DNAJC24: variants seen among roughly 807,000 people sequenced by gnomAD.
The protein encoded by DNAJC24 is dnaJ homolog subfamily C member 24.
In DNAJC24, 17 loss-of-function variants were observed where a neutral mutation model predicts 18.0. The ratio of observed to expected loss-of-function variants is 0.94; its 90% CI spans 0.65 to 1.42. DNAJC24 has a LOEUF of 1.42. DNAJC24 is among the 40% of genes most tolerant of loss of function. The probability of loss-of-function intolerance (pLI) is 0.00; values close to 1 mark genes in which losing one functional copy is unlikely to be tolerated. For missense variants in DNAJC24, 158 were observed against 175.6 expected, an observed-to-expected ratio of 0.90 and a Z score of 0.57; for synonymous variants, 55 against 57.7, an observed-to-expected ratio of 0.95 and a Z score of 0.21.
At chr11:31,406,439 A>T (rs1389608862) in intron 2 of DNAJC24, among the ~76,000 whole-genome samples, 1 of 152,238 alleles carries the variant, frequency 6.6e-6, no homozygotes, top group Non-Finnish European at 1.5e-5. Context: ...TTTATGAAGG[A>T]TACTTGTGCG....
chr11:31,400,446 C>T (rs1952589768), intron 2 of DNAJC24, among the ~76,000 whole-genome samples: 2 of 152,142 alleles, frequency 1.3e-5, no homozygotes, highest in African/African-American at 4.8e-5. Flanking sequence ...AAGAACAAAG[C>T]TGGAGGTATC....
At chr11:31,399,119 C>G (rs1264026497) in intron 2 of DNAJC24, among the ~76,000 whole-genome samples, 1 of 151,984 alleles carries the variant, frequency 6.6e-6, no homozygotes, top group Non-Finnish European at 1.5e-5. Flanking sequence ...ATTATGTAAC[C>G]CACTGCACAA....
At chr11:31,390,131 G>A (rs1302138011) in intron 2 of DNAJC24, among the ~76,000 whole-genome samples, 2 of 152,150 alleles carry the variant, frequency 1.3e-5, no homozygotes, top group African/African-American at 4.8e-5. Context: ...TGGGCACAGT[G>A]GCTCACGCCT....
intron 2 of DNAJC24, among the ~76,000 whole-genome samples, chr11:31,389,760 G>A (rs987750382): frequency 6.6e-6 from 1 of 152,128 alleles, no homozygotes; most frequent in African/African-American, 2.4e-5. Flanking sequence ...AATATGTTAG[G>A]TCACAAAACA....
intron 2 of DNAJC24, among the ~76,000 whole-genome samples, chr11:31,372,718 T>A (rs1170428306): frequency 7.3e-6 from 1 of 136,306 alleles, no homozygotes; most frequent in East Asian, 1.9e-4. Context: ...CTGGTTGCTC[T>A]ACAGCTTTGC....
chr11:31,403,125 ATGTGTGTGTGTGTG>A (rs3979423), intron 2 of DNAJC24, among the ~76,000 whole-genome samples: 6 of 146,680 alleles, frequency 4.1e-5, no homozygotes, highest in Non-Finnish European at 9.0e-5. Flanking sequence ...GCATATATGC[ATGTGTGTGTGTGTG>A]TGTGTGTGTG....
chr11:31,401,569 C>T (rs1282334625), intron 2 of DNAJC24, among the ~76,000 whole-genome samples: 1 of 151,744 alleles, frequency 6.6e-6, no homozygotes, highest in African/African-American at 2.4e-5. Flanking sequence ...TTCTCTTTTG[C>T]TTCTTCTTCT....
chr11:31,409,943 G>A (rs1171348180), intron 2 of DNAJC24, among the ~76,000 whole-genome samples: 1 of 147,682 alleles, frequency 6.8e-6, no homozygotes, highest in African/African-American at 2.5e-5. Flanking sequence ...GGAGTGCAGT[G>A]GCATCATCTC....
intron 2 of DNAJC24, among the ~76,000 whole-genome samples, chr11:31,379,001 G>T (rs1055083207): frequency 6.6e-6 from 1 of 152,154 alleles, no homozygotes; most frequent in Non-Finnish European, 1.5e-5. Flanking sequence ...TACATAAACT[G>T]CATGGATCTG....
chr11:31,408,760 AAAG>A (rs1437078386), intron 2 of DNAJC24, among the ~76,000 whole-genome samples: 2 of 152,202 alleles, frequency 1.3e-5, no homozygotes, highest in Admixed American at 6.5e-5. Flanking sequence ...ATGGTAATTT[AAAG>A]AAGAATTTAA....
intron 2 of DNAJC24, among the ~76,000 whole-genome samples, chr11:31,386,526 G>T (rs1030858863): frequency 2.0e-5 from 3 of 151,942 alleles, no homozygotes; most frequent in Admixed American, 6.6e-5. Context: ...GCCTTGAAGG[G>T]AAGGATCCAG....
intron 2 of DNAJC24, among the ~76,000 whole-genome samples, chr11:31,378,741 A>C (rs1007765915): frequency 2.6e-5 from 4 of 152,204 alleles, no homozygotes; most frequent in Admixed American, 2.6e-4. Flanking sequence ...TTAAAGGTAC[A>C]GACTAGTGAA....
intron 2 of DNAJC24, among the ~76,000 whole-genome samples, chr11:31,395,564 C>T (rs766443002): frequency 2.6e-5 from 4 of 152,104 alleles, no homozygotes; most frequent in African/African-American, 4.8e-5. Flanking sequence ...GTCATTCTGA[C>T]TGTATACCCC....
intron 2 of DNAJC24, among the ~76,000 whole-genome samples, chr11:31,407,917 A>T (rs1048963382): frequency 1.3e-5 from 2 of 151,780 alleles, no homozygotes; most frequent in Admixed American, 6.6e-5. Context: ...CTTAAAAAAA[A>T]AAAAATAAAC....
chr11:31,409,882 C>CT (rs1952690552), intron 2 of DNAJC24, among the ~76,000 whole-genome samples: 1 of 141,958 alleles, frequency 7.0e-6, no homozygotes, highest in African/African-American at 2.8e-5. Context: ...ATTTTTTTTT[C>CT]TTTTTCTTTT....
intron 2 of DNAJC24, among the ~76,000 whole-genome samples, chr11:31,386,473 G>A (rs1295161819): frequency 6.6e-6 from 1 of 151,780 alleles, no homozygotes; most frequent in East Asian, 2.0e-4. Flanking sequence ...GTAGCTCCTA[G>A]ACTACATTTC....
chr11:31,379,003 A>G (rs929017325), intron 2 of DNAJC24, among the ~76,000 whole-genome samples: 2 of 152,220 alleles, frequency 1.3e-5, no homozygotes, highest in Non-Finnish European at 2.9e-5. Context: ...CATAAACTGC[A>G]TGGATCTGAG....
chr11:31,390,332 G>A (rs1952478646), intron 2 of DNAJC24, among the ~76,000 whole-genome samples: 1 of 148,494 alleles, frequency 6.7e-6, no homozygotes, highest in Non-Finnish European at 1.5e-5. Context: ...GGAGGTGGAG[G>A]TGGCAATGAA....
chr11:31,381,366 T>C (rs1286268325), intron 2 of DNAJC24, among the ~76,000 whole-genome samples: 1 of 152,142 alleles, frequency 6.6e-6, no homozygotes, highest in East Asian at 1.9e-4. Flanking sequence ...GTTGTGTCCA[T>C]GTTATCTACA....
Sources: allele counts gnomAD v4.1 joint callset (sites outside exome capture counted in the v4.1 genomes callset), GRCh38; gene constraint gnomAD v4.1.1; transcripts MANE v1.5; gene names NCBI Gene and HGNC (gene_info 2026-07-23, HGNC 2026-07-21).